Variants in WIZ observed in about 807,000 individuals in gnomAD.
The protein encoded by WIZ is protein Wiz.
A neutral mutation model predicts 140.2 loss-of-function variants in WIZ; 25 were observed. That is an observed-to-expected ratio of 0.18 (90% CI 0.13 to 0.25). The LOEUF (loss-of-function observed/expected upper bound fraction) is 0.25. Among genes scored for constraint, WIZ ranks in the 10% least tolerant of loss-of-function variants. The probability of loss-of-function intolerance (pLI) is 1.00; values close to 1 mark genes in which losing one functional copy is unlikely to be tolerated. For synonymous variants in WIZ, 1,125 were observed against 1,154.3 expected, an observed-to-expected ratio of 0.97 and a Z score of 0.51; for missense variants, 2,231 against 2,632.6, an observed-to-expected ratio of 0.85 and a Z score of 3.34.
At position 15,440,148 on chromosome 19, in the gene WIZ, G is replaced by A; in HGVS notation, c.846C>T (p.Pro282=). 1 of 1,532,614 alleles carries A rather than the reference G, an allele frequency of 6.5e-7. No homozygotes were observed. The highest frequency in any genetic ancestry group is 8.7e-7 in the Non-Finnish European group (1 of 1,145,318). 94.9% of individuals were successfully genotyped at this position (1,532,614 alleles called of 1,614,324 possible). Reference sequence around the variant, plus strand: ...ACAGGTAGGGCCCGGTCCGGATCGGGGGCAGTAGCGGCTGCAGCCGCTCCA... The same window carrying A: ...ACAGGTAGGGCCCGGTCCGGATCGGAGGCAGTAGCGGCTGCAGCCGCTCCA... ...ASVERLQPLL[P]PIRTGPYLCE... Residue 282 remains proline (P), a synonymous_variant, in exon 4 of 13, where the codon CCC becomes CCT. Coordinates refer to ENST00000673675, the MANE Select transcript of WIZ (RefSeq NM_001371589.1). This position sits in a 1 kb window ranked among gnomAD's most constrained non-coding sequence, Gnocchi z 6.2.
At chr19:15,434,940 A>G (rs1335262399) in intron 5 of WIZ, among the ~76,000 whole-genome samples, 1 of 152,196 alleles carries the variant, frequency 6.6e-6, no homozygotes, top group Non-Finnish European at 1.5e-5. Flanking sequence ...TCCTTAAAAC[A>G]GGGACATGGC....
chr19:15,435,983 C>T (rs748096942), intron 5 of WIZ, among the ~76,000 whole-genome samples: 4 of 152,160 alleles, frequency 2.6e-5, no homozygotes, highest in Non-Finnish European at 5.9e-5. Context: ...GTTAGCTGGG[C>T]GTGGTGATGA....
chr19:15,448,444 C>T (rs1599720950), intron 1 of WIZ, 77 bp from the exon 2 acceptor site: 2 of 1,121,962 alleles, frequency 1.8e-6, no homozygotes, highest in East Asian at 5.2e-5. Flanking sequence ...CTCAAAACCT[C>T]AGTCCTCAAC....
Position 15,438,784 on chromosome 19 carries a change from T to A in WIZ, c.2210A>T (p.Asp737Val), listed in dbSNP as rs991061977. 8.5e-6 allele frequency: 13 copies of A among 1,530,656 alleles called. No homozygotes were observed. The African/African-American group carries it at 1.1e-4, about 13-fold the overall frequency. 94.8% of individuals were successfully genotyped at this position (1,530,656 alleles called of 1,614,324 possible). The change falls in exon 4 of 13, where the codon GAT (aspartate) becomes GTT (valine). Residue 737 changes from aspartate (D) to valine (V), a missense_variant. Transcript: ENST00000673675. The part of the protein sequence containing the change: ...GGPLGLDTLL[D>V]GDPAMALKHE... ...CTTCAGTGCCATGGCCGGATCCCCA[T>A]CCAGGAGTGTGTCCAGCCCCAGCGG...
rs994196143 is a variant in WIZ, at chr19:15,442,821, A to C, written c.206-73T>G. 1.0e-6 allele frequency: 1 copy of C among 986,824 alleles called. No homozygotes were observed. Among genetic ancestry groups the C allele is most frequent in the African/African-American group, 1.7e-5 (1 of 59,748 alleles). The allele number at this position is 986,824 out of a possible 1,614,324, so 61.1% of individuals were successfully genotyped here. A position where few individuals can be genotyped will look rare whatever the true frequency, so the allele number is the denominator to read the frequency against. On this transcript the variant is annotated intron_variant, in intron 2 of 12. Coordinates refer to ENST00000673675, the MANE Select transcript of WIZ (RefSeq NM_001371589.1). The surrounding 1 kb of genome is among the most constrained non-coding windows in gnomAD (Gnocchi z 5.5). ...GGGCCCTCCACACCCCAGCTCCAGG[A>C]GCCCTGCCAGGTGCCTCAGAAAGGC... is the stretch of plus-strand genomic sequence containing the variant.
chr19:15,425,096 C>T (rs1968656847), intron 10 of WIZ, 64 bp from the exon 11 acceptor site: 5 of 1,505,718 alleles, frequency 3.3e-6, no homozygotes, highest in African/African-American at 1.4e-5. Context: ...CCAGATGGCC[C>T]TGCCCAGGCC....
chr19:15,435,150 G>A (rs371037009), intron 5 of WIZ, among the ~76,000 whole-genome samples: 2 of 151,982 alleles, frequency 1.3e-5, no homozygotes, highest in African/African-American at 2.4e-5. Context: ...CCTGGGCAGC[G>A]GAGGCTGCAG....
rs1041042192 is a variant in WIZ, at chr19:15,442,822, G to A, written c.206-74C>T. On this transcript the variant is annotated intron_variant, in intron 2 of 12. Transcript: ENST00000673675. The surrounding 1 kb of genome is among the most constrained non-coding windows in gnomAD (Gnocchi z 5.5). ...GGCCCTCCACACCCCAGCTCCAGGAGCCCTGCCAGGTGCCTCAGAAAGGCC... is the reference window on the plus strand; with the variant it reads ...GGCCCTCCACACCCCAGCTCCAGGAACCCTGCCAGGTGCCTCAGAAAGGCC... 16 of 971,266 alleles carry A rather than the reference G, an allele frequency of 1.6e-5. No homozygotes were observed. In the African/African-American group the frequency reaches 2.5e-4, roughly 15 times the overall value. 60.2% of individuals were successfully genotyped at this position (971,266 alleles called of 1,614,324 possible). A position where few individuals can be genotyped will look rare whatever the true frequency, so the allele number is the denominator to read the frequency against.
Position 15,424,493 on chromosome 19 carries a change from G to A in WIZ, c.5315-115C>T. On this transcript the variant is annotated intron_variant, in intron 11 of 12. Coordinates refer to ENST00000673675, the MANE Select transcript of WIZ (RefSeq NM_001371589.1). This position sits in a 1 kb window ranked among gnomAD's most constrained non-coding sequence, Gnocchi z 9.7. ...GGATGGGTGGGATGGGGGATGGATG[G>A]GTGAATGGGTAAGCAACTGGAGAAA... 4 of 1,528,442 alleles carry A rather than the reference G, an allele frequency of 2.6e-6. No individual in the cohort carries two copies. The highest frequency in any genetic ancestry group is 1.8e-6 in the Non-Finnish European group (2 of 1,134,512). 94.7% of individuals were successfully genotyped at this position (1,528,442 alleles called of 1,614,324 possible).
intron 5 of WIZ, chr19:15,433,177 C>T: frequency 1.1e-6 from 1 of 919,930 alleles, no homozygotes. Context: ...GATCTCCAAC[C>T]ACAAGAATCC....
intron 1 of WIZ, among the ~76,000 whole-genome samples, chr19:15,448,955 C>G (rs74359152): frequency 6.6e-6 from 1 of 152,004 alleles, no homozygotes; most frequent in Non-Finnish European, 1.5e-5. Context: ...CCCTTCACCC[C>G]CCTCCACACA....
rs1968712365 is a variant in WIZ, at chr19:15,425,684, G to A, written c.4451C>T (p.Ala1484Val). Residue 1484 changes from alanine (A) to valine (V), a missense_variant, in exon 10 of 13, where the codon GCG becomes GTG. Transcript: ENST00000673675. ...ACCCATCTGCCGCAGGTGTGAGCGC[G>A]CGTGACTCGACAGGCCCTTGCGGTT... ...FENRKGLSSH[A>V]RSHLRQMGVT... 5.6e-6 allele frequency: 9 copies of A among 1,613,110 alleles called. No homozygotes were observed. Among genetic ancestry groups the A allele is most frequent in the Admixed American group, 1.7e-5 (1 of 59,962 alleles).
chr19:15,421,038 C>A lies in WIZ; in HGVS notation c.*2038G>T, dbSNP rs1026384756. The A allele has an allele frequency of 6.6e-6, 1 of 152,170 alleles. No homozygotes were observed. The highest frequency in any genetic ancestry group is 6.5e-5 in the Admixed American group (1 of 15,278). The allele number at this position is 152,170 out of a possible 1,614,324, so 9.4% of individuals were successfully genotyped here. ...GGCTGAGGCAGGAGAATCACTTGAACCCAGGAGGCAGAGACTGCAGCGAGC... is the reference window on the plus strand; with the variant it reads ...GGCTGAGGCAGGAGAATCACTTGAAACCAGGAGGCAGAGACTGCAGCGAGC... On this transcript the variant is annotated 3_prime_UTR_variant, in exon 13 of 13. Transcript: ENST00000673675.
Position 15,438,665 on chromosome 19 carries a change from C to A in WIZ, c.2329G>T (p.Val777Phe), listed in dbSNP as rs1318947523. Residue 777 changes from valine to phenylalanine, a missense_variant, in exon 4 of 13, where the codon GTC becomes TTC. Val to Phe is a conservative substitution (Grantham distance 50). Transcript: ENST00000673675. Reference sequence around the variant, plus strand: ...ATGAAATGGCGCACATTGTAGCTGACGCCCACGCGGTTCAGGTGGCCCCGG... The same window carrying A: ...ATGAAATGGCGCACATTGTAGCTGAAGCCCACGCGGTTCAGGTGGCCCCGG... ...HVRGHLNRVG[V>F]SYNVRHFISA... 2.0e-6 allele frequency: 3 copies of A among 1,535,944 alleles called. No individual in the cohort carries two copies. In the African/African-American group the frequency reaches 4.1e-5, roughly 21 times the overall value.
intron 5 of WIZ, among the ~76,000 whole-genome samples, chr19:15,431,752 A>G (rs1969254629): frequency 2.6e-5 from 4 of 152,224 alleles, no homozygotes; most frequent in African/African-American, 9.6e-5. Flanking sequence ...AGGTGTCTGC[A>G]CCTACAGCTA....
At chr19:15,433,679 GC>G (rs1329752529) in intron 5 of WIZ, among the ~76,000 whole-genome samples, 2 of 152,338 alleles carry the variant, frequency 1.3e-5, no homozygotes, top group African/African-American at 4.8e-5. Context: ...CTGTCTCGCA[GC>G]CACCCCTGAG....
rs950041511 is a variant in WIZ, at chr19:15,438,447, T to C, written c.2416+131A>G. ...CATCCACCGACCAGGTGGCCTTCAC[T>C]GTGGCTCTCAAGTCTCTCAGGAGCA... On this transcript the variant is annotated intron_variant, in intron 4 of 12. Coordinates refer to ENST00000673675, the MANE Select transcript of WIZ (RefSeq NM_001371589.1). The C allele has an allele frequency of 1.4e-5, 16 of 1,112,742 alleles. No homozygotes were observed. The African/African-American group carries it at 2.4e-4, about 16-fold the overall frequency. 68.9% of individuals were successfully genotyped at this position (1,112,742 alleles called of 1,614,324 possible). A position where few individuals can be genotyped will look rare whatever the true frequency, so the allele number is the denominator to read the frequency against.
chr19:15,423,349 C>T (rs566744673), intron 12 of WIZ, 114 bp from the exon 13 acceptor site: 64 of 1,340,880 alleles, frequency 4.8e-5, no homozygotes, highest in Non-Finnish European at 6.3e-5. Context: ...CAGAGCCAGC[C>T]CAGGAGGCGG....
chr19:15,430,819 C>T (rs984833549), intron 6 of WIZ, among the ~76,000 whole-genome samples, 193 bp downstream of exon 6: 3 of 152,240 alleles, frequency 2.0e-5, no homozygotes, highest in Non-Finnish European at 4.4e-5. Flanking sequence ...GGGTGCAGCT[C>T]AGGGCCACGC....
Sources: allele counts gnomAD v4.1 joint callset (sites outside exome capture counted in the v4.1 genomes callset), GRCh38; gene constraint gnomAD v4.1.1; non-coding constraint Gnocchi (gnomAD v3.1); transcripts MANE v1.5; gene names NCBI Gene and HGNC (gene_info 2026-07-23, HGNC 2026-07-21).